The following ZDHHC11 variants were observed in gnomAD, a reference collection of about 807,000 sequenced individuals.
The protein encoded by ZDHHC11 is palmitoyltransferase ZDHHC11.
A neutral mutation model predicts 51.3 loss-of-function variants in ZDHHC11; 44 were observed. The ratio of observed to expected loss-of-function variants is 0.86; its 90% CI spans 0.67 to 1.10. The LOEUF (loss-of-function observed/expected upper bound fraction) is 1.10. ZDHHC11 is among the 50% of genes least tolerant of loss of function. ZDHHC11 has a pLI of 0.00. For synonymous variants in ZDHHC11, 163 were observed against 222.0 expected (o/e 0.73, Z 2.36); for missense variants, 400 against 537.7 (o/e 0.74, Z 2.53).
At chr5:832,255 G>A (rs1174818281) in intron 7 of ZDHHC11, among the ~76,000 whole-genome samples, 1 of 90,660 alleles carries the variant, frequency 1.1e-5, no homozygotes, top group Non-Finnish European at 1.8e-5. Context: ...GCTAAGCTAC[G>A]AGGATGCAAA....
At chr5:809,015 G>GA (rs1739723124) in intron 11 of ZDHHC11, among the ~76,000 whole-genome samples, 4 of 82,626 alleles carry the variant, frequency 4.8e-5, no homozygotes, top group Admixed American at 2.8e-4. Context: ...ACACACACAC[G>GA]CACACTATTT....
At chr5:854,092 G>C (rs542239460), upstream of ZDHHC11, among the ~76,000 whole-genome samples, 2 of 145,442 alleles carry the variant, frequency 1.4e-5, no homozygotes, top group African/African-American at 5.1e-5. Context: ...GAGCCGGGGG[G>C]CACAGACCCC....
chr5:854,088 G>A (rs1008364493), upstream of ZDHHC11, among the ~76,000 whole-genome samples: 4 of 149,050 alleles, frequency 2.7e-5, no homozygotes, highest in East Asian at 2.0e-4. Context: ...CAGCGAGCCG[G>A]GGGGCACAGA....
chr5:828,530 G>A (rs1330811651), intron 7 of ZDHHC11, among the ~76,000 whole-genome samples: 1 of 151,406 alleles, frequency 6.6e-6, no homozygotes, highest in Non-Finnish European at 1.5e-5. Context: ...TAAGAAATGA[G>A]ACTGATGAAA....
At chr5:813,271 T>G (rs1448202209) in intron 11 of ZDHHC11, among the ~76,000 whole-genome samples, 1 of 141,848 alleles carries the variant, frequency 7.0e-6, no homozygotes, top group Non-Finnish European at 1.5e-5. Context: ...AAGGTTGTAG[T>G]GACCTGAGAT....
intron 11 of ZDHHC11, among the ~76,000 whole-genome samples, chr5:802,956 G>A (rs1323911828): frequency 6.8e-6 from 1 of 147,712 alleles, no homozygotes; most frequent in African/African-American, 2.5e-5. Context: ...GGGAGGTGGA[G>A]CTTGCAGTGA....
chr5:844,094 G>T (rs1401687475), intron 3 of ZDHHC11, among the ~76,000 whole-genome samples: 1 of 151,984 alleles, frequency 6.6e-6, no homozygotes, highest in East Asian at 1.9e-4. Context: ...ACAGGTCAGT[G>T]TGGGCGTCCA....
upstream of ZDHHC11, among the ~76,000 whole-genome samples, chr5:855,899 T>C (rs1468913287): frequency 1.1e-4 from 8 of 73,972 alleles, no homozygotes; most frequent in Admixed American, 6.6e-4. Context: ...CAGTGAGCAG[T>C]GGGGATAGAC....
Position 850,015 on chromosome 5 carries a change from C to G in ZDHHC11, c.222+366G>C, listed in dbSNP as rs554016257. On this transcript the variant is annotated intron_variant, in intron 1 of 12. Coordinates refer to ENST00000283441, the MANE Select transcript of ZDHHC11 (RefSeq NM_024786.3). ...GGCTGCCGACCTGCGGGGCATGGCG[C>G]TGTTCCTCCTTGGCACCAGGGGCAA... Among the ~76,000 whole-genome samples the G allele has an allele frequency of 9.8e-5, 15 of 152,368 alleles. No individual in the cohort carries two copies. In the South Asian group the frequency reaches 2.9e-3, roughly 29 times the overall value.
intron 1 of ZDHHC11, among the ~76,000 whole-genome samples, chr5:856,874 ACCC>A (rs764965883): frequency 6.8e-6 from 1 of 147,904 alleles, no homozygotes; most frequent in Non-Finnish European, 1.5e-5. Context: ...CACATACCAC[ACCC>A]CCAAAATACC....
At chr5:840,904 CA>C in intron 4 of ZDHHC11, 2 of 1,420,324 alleles carry the variant, frequency 1.4e-6, no homozygotes, top group Non-Finnish European at 1.8e-6. Flanking sequence ...GTGCCGGGGT[CA>C]CAGTGCCCAC....
chr5:850,401 A>C lies in ZDHHC11; in HGVS notation c.202T>G (p.Trp68Gly). 1 of 1,613,586 alleles carries C rather than the reference A, an allele frequency of 6.2e-7. No homozygotes were observed. Among genetic ancestry groups the C allele is most frequent in the Middle Eastern group, 1.6e-4 (1 of 6,062 alleles). ...GATACCACGTAGGCAATGTATTTCC[A>C]CGCGTGAGGCAGGAAGGGAATGAAG... ...GIFIPFLPHA[W>G]KYIAYVVTGG... The change falls in exon 1 of 13, where the codon TGG (tryptophan) becomes GGG (glycine). Residue 68 changes from tryptophan (W) to glycine (G), a missense_variant. Physicochemically the swap from Trp to Gly is radical, Grantham distance 184. Transcript: ENST00000283441.
rs1203375428 is a variant in ZDHHC11, at chr5:819,540, C to T, written c.1131G>A (p.Gly377=). 18 of 1,609,684 alleles carry T rather than the reference C, an allele frequency of 1.1e-5. 1 individual carries two copies. The highest frequency in any genetic ancestry group is 3.3e-5 in the Admixed American group (2 of 59,916). ...TGCAACTTACCTGTGCCATCGAGCCCCCGTCTGGGTGTACACGAGTGGAGA... is the reference window on the plus strand; with the variant it reads ...TGCAACTTACCTGTGCCATCGAGCCTCCGTCTGGGTGTACACGAGTGGAGA... The part of the protein sequence containing the change: ...CQFSTRVHPD[G]GSMAQEADDA... The change falls in exon 10 of 13, where the codon GGG becomes GGA. Residue 377 remains glycine, a synonymous_variant. Transcript: ENST00000283441.
At chr5:816,874 C>T (rs1412226011) in intron 10 of ZDHHC11, 7 of 455,628 alleles carry the variant, frequency 1.5e-5, no homozygotes, top group South Asian at 9.7e-5. Context: ...AAAGCAGCAG[C>T]GGGAAGCCAA....
intron 12 of ZDHHC11, among the ~76,000 whole-genome samples, chr5:798,015 G>C (rs1253627011): frequency 6.7e-6 from 1 of 150,118 alleles, no homozygotes; most frequent in Non-Finnish European, 1.5e-5. Context: ...CAAATACTCG[G>C]CAGTGATTTT....
intron 8 of ZDHHC11, chr5:823,348 A>G (rs1579635664): frequency 6.6e-6 from 1 of 150,888 alleles, no homozygotes; most frequent in African/African-American, 2.4e-5. Context: ...CTGCTGCACC[A>G]CACTCATTAC....
intron 7 of ZDHHC11, among the ~76,000 whole-genome samples, chr5:832,184 C>G (rs1205661349): frequency 8.6e-6 from 1 of 116,720 alleles, no homozygotes; most frequent in East Asian, 2.3e-4. Context: ...GACCATTATT[C>G]TAAGTGAAGT....
chr5:844,734 G>A (rs1310622690), intron 3 of ZDHHC11, among the ~76,000 whole-genome samples: 1 of 152,306 alleles, frequency 6.6e-6, no homozygotes, highest in African/African-American at 2.4e-5. Context: ...CCACACCTCG[G>A]CTGCAGTCCC....
Position 814,791 on chromosome 5 carries a change from G to T in ZDHHC11, c.1151C>A (p.Ala384Glu). ...HPDGGSMAQE[A>E]DDAPSISTLG... is the part of the protein sequence containing the mutation. ...TGTAGATATACTCGGGGCATCATCT[G>T]CTTCCTGTGGGGGGAAGGGATGCAA... The change falls in exon 11 of 13, where the codon GCA (alanine) becomes GAA (glutamate). Residue 384 changes from alanine to glutamate, a missense_variant. Ala to Glu is a moderately radical substitution (Grantham distance 107). Transcript: ENST00000283441. 6.5e-7 allele frequency: 1 copy of T among 1,541,314 alleles called. No individual in the cohort carries two copies. Among genetic ancestry groups the T allele is most frequent in the Non-Finnish European group, 8.7e-7 (1 of 1,143,386 alleles).
Sources: allele counts gnomAD v4.1 joint callset (sites outside exome capture counted in the v4.1 genomes callset), GRCh38; gene constraint gnomAD v4.1.1; transcripts MANE v1.5; gene names NCBI Gene and HGNC (gene_info 2026-07-23, HGNC 2026-07-21).